SGCZ: variants seen among roughly 807,000 people sequenced by gnomAD.
The protein encoded by SGCZ is zeta-sarcoglycan.
A neutral mutation model predicts 41.3 loss-of-function variants in SGCZ; 40 were observed. The ratio of observed to expected loss-of-function variants is 0.97; its 90% CI spans 0.75 to 1.26. The LOEUF is 1.26. Ranked by LOEUF, SGCZ falls within the 50% of genes most tolerant of loss-of-function variation. The probability of loss-of-function intolerance (pLI) is 0.00; values close to 1 mark genes in which losing one functional copy is unlikely to be tolerated. For missense variants in SGCZ, 552 were observed against 369.8 expected, an observed-to-expected ratio of 1.49 and a Z score of -4.04; for synonymous variants, 206 against 137.5, an observed-to-expected ratio of 1.50 and a Z score of -3.49.
At position 14,888,569 on chromosome 8, in the gene SGCZ, A is replaced by G. The variant is rs534368595; in HGVS notation, c.40-333643T>C. Among the ~76,000 whole-genome samples the G allele has an allele frequency of 2.6e-5, 4 of 152,324 alleles. No homozygotes were observed. In the South Asian group the frequency reaches 6.2e-4, roughly 24 times the overall value. ...TGTAAGTCCTTATTGTATTCTTGAA[A>G]GACATTGAAAGTTTATAAGAAAAAT... On this transcript the variant is annotated intron_variant, in intron 1 of 7. Coordinates refer to ENST00000382080, the MANE Select transcript of SGCZ (RefSeq NM_139167.4).
intron 2 of SGCZ, among the ~76,000 whole-genome samples, chr8:14,351,437 C>T (rs943806181): frequency 1.3e-5 from 2 of 151,974 alleles, no homozygotes; most frequent in Non-Finnish European, 2.9e-5. Context: ...CATTTTTTAT[C>T]TGCCATAATT....
chr8:14,718,633 T>C, intron 1 of SGCZ, among the ~76,000 whole-genome samples: 1 of 138,190 alleles, frequency 7.2e-6, no homozygotes, highest in East Asian at 2.2e-4. Flanking sequence ...TAGGAAATTA[T>C]ATAAGTTCAC....
rs146430392 is a variant in SGCZ at position 14,849,579 on chromosome 8, G to A, written c.40-294653C>T. ...TGTATGATTTATATTCTATAAAACT[G>A]AAGAAAATGCAAACTAATCTATCAC... On this transcript the variant is annotated intron_variant, in intron 1 of 7. Transcript: ENST00000382080. 1.0e-3 allele frequency among the ~76,000 whole-genome samples: 154 copies of A among 152,176 alleles called. No individual in the cohort carries two copies. In the Middle Eastern group the frequency reaches 0.014, roughly 14 times the overall value.
intron 2 of SGCZ, among the ~76,000 whole-genome samples, chr8:14,341,505 T>C (rs9643974): frequency 0.13 from 19,609 of 152,118 alleles, 1,576 homozygotes; most frequent in East Asian, 0.36. Flanking sequence ...CATTTTGAGC[T>C]AGCTAGGTTT....
At chr8:14,825,922 CAT>C (rs1180576202) in intron 1 of SGCZ, among the ~76,000 whole-genome samples, 7 of 152,150 alleles carry the variant, frequency 4.6e-5, no homozygotes, top group Admixed American at 2.0e-4. Context: ...CTTGTATACA[CAT>C]ATCTTTCTTT....
At chr8:14,404,858 C>T (rs1799168680) in intron 2 of SGCZ, among the ~76,000 whole-genome samples, 1 of 152,208 alleles carries the variant, frequency 6.6e-6, no homozygotes, top group South Asian at 2.1e-4. Context: ...ATAGGAGGCA[C>T]TCAAGTGAGA....
chr8:14,988,332 T>C (rs1389058890), intron 1 of SGCZ, among the ~76,000 whole-genome samples: 6 of 152,130 alleles, frequency 3.9e-5, no homozygotes, highest in East Asian at 1.9e-4. Flanking sequence ...ATATAAGATA[T>C]ACCATACTTT....
chr8:14,773,599 G>A (rs181209834), intron 1 of SGCZ, among the ~76,000 whole-genome samples: 5 of 152,244 alleles, frequency 3.3e-5, no homozygotes, highest in African/African-American at 1.2e-4. Flanking sequence ...TAATTCTTTA[G>A]AAGAAAAACA....
chr8:14,969,398 T>C (rs1801222257), intron 1 of SGCZ, among the ~76,000 whole-genome samples: 1 of 152,130 alleles, frequency 6.6e-6, no homozygotes, highest in South Asian at 2.1e-4. Context: ...AAACAGCACA[T>C]ATTTAAAGTA....
At chr8:15,063,241 A>C (rs893935545) in intron 1 of SGCZ, among the ~76,000 whole-genome samples, 6 of 152,164 alleles carry the variant, frequency 3.9e-5, no homozygotes, top group African/African-American at 1.4e-4. Context: ...GTATATTAAC[A>C]ATAAAAATTG....
intron 1 of SGCZ, among the ~76,000 whole-genome samples, chr8:14,967,651 C>T (rs1801165136): frequency 6.6e-6 from 1 of 152,136 alleles, no homozygotes; most frequent in African/African-American, 2.4e-5. Flanking sequence ...TTTCATATCT[C>T]AGTGACACTT....
chr8:14,362,311 G>A (rs1361823363), intron 2 of SGCZ, among the ~76,000 whole-genome samples: 2 of 152,202 alleles, frequency 1.3e-5, no homozygotes, highest in East Asian at 1.9e-4. Context: ...AGTAGGCCTT[G>A]CTGAGCTGTA....
At chr8:14,881,672 T>A (rs1451011567) in intron 1 of SGCZ, among the ~76,000 whole-genome samples, 3 of 152,152 alleles carry the variant, frequency 2.0e-5, no homozygotes, top group African/African-American at 4.8e-5. Context: ...GACAGATCAT[T>A]GAGACAGAAA....
At chr8:14,962,495 C>A (rs922848582) in intron 1 of SGCZ, among the ~76,000 whole-genome samples, 3 of 151,934 alleles carry the variant, frequency 2.0e-5, no homozygotes, top group Non-Finnish European at 4.4e-5. Flanking sequence ...AGAAGTTTCT[C>A]AAACAATACT....
At chr8:14,576,172 A>G (rs1434550781) in intron 1 of SGCZ, among the ~76,000 whole-genome samples, 2 of 152,184 alleles carry the variant, frequency 1.3e-5, no homozygotes, top group African/African-American at 2.4e-5. Flanking sequence ...CCTGCCTTAT[A>G]AAATGAGAGC....
At chr8:14,327,542 C>T (rs1563259632) in intron 2 of SGCZ, among the ~76,000 whole-genome samples, 1 of 152,114 alleles carries the variant, frequency 6.6e-6, no homozygotes, top group African/African-American at 2.4e-5. Context: ...AATTGTAATT[C>T]CCATTTCAAT....
At chr8:14,616,796 T>G (rs1806120429) in intron 1 of SGCZ, among the ~76,000 whole-genome samples, 1 of 152,166 alleles carries the variant, frequency 6.6e-6, no homozygotes, top group African/African-American at 2.4e-5. Flanking sequence ...ATAGTAAAAT[T>G]CAAATTTTAT....
intron 1 of SGCZ, among the ~76,000 whole-genome samples, chr8:14,573,610 GT>G (rs762137211): frequency 1.6e-4 from 25 of 152,012 alleles, no homozygotes; most frequent in Non-Finnish European, 1.5e-5. Context: ...TAATAACTTT[GT>G]CTTATTTTTA....
intron 1 of SGCZ, among the ~76,000 whole-genome samples, chr8:14,582,102 T>G (rs78765388): frequency 6.6e-6 from 1 of 152,236 alleles, no homozygotes; most frequent in South Asian, 2.1e-4. Context: ...AATAAATAAA[T>G]ATATTTTCTC....
Sources: allele counts gnomAD v4.1 joint callset (sites outside exome capture counted in the v4.1 genomes callset), GRCh38; gene constraint gnomAD v4.1.1; transcripts MANE v1.5; gene names NCBI Gene and HGNC (gene_info 2026-07-23, HGNC 2026-07-21).